CRLF2: variants seen among roughly 807,000 people sequenced by gnomAD.
CRLF2 encodes cytokine receptor like factor 2, also known as cytokine receptor-like factor 2.
A neutral mutation model predicts 38.7 loss-of-function variants in CRLF2; 41 were observed. That is an observed-to-expected ratio of 1.06 (90% CI 0.83 to 1.37). CRLF2 has a LOEUF of 1.37. Among genes scored for constraint, CRLF2 ranks in the 40% most tolerant of loss-of-function variants. CRLF2 has a pLI of 0.00. For missense variants in CRLF2, 377 were observed against 322.2 expected, an observed-to-expected ratio of 1.17 and a Z score of -1.30; for synonymous variants, 140 against 128.8, an observed-to-expected ratio of 1.09 and a Z score of -0.59.
chrX:1,192,076 GC>G (rs1339502730), intron 7 of CRLF2, among the ~76,000 whole-genome samples: 1 of 148,768 alleles, frequency 6.7e-6, no homozygotes, highest in Non-Finnish European at 1.5e-5. Flanking sequence ...GTGGTGGCGG[GC>G]GCCTGTAGTC....
At chrX:1,206,710 T>C (rs1219233385) in intron 2 of CRLF2, 111 bp from the exon 3 acceptor site, 1 of 981,410 alleles carries the variant, frequency 1.0e-6, no homozygotes, top group Admixed American at 2.2e-5. Context: ...TGGCGCGATC[T>C]CAGCTCACTG....
intron 7 of CRLF2, among the ~76,000 whole-genome samples, 196 bp downstream of exon 7, chrX:1,193,022 A>T (rs1321655762): frequency 9.2e-5 from 14 of 151,636 alleles, no homozygotes; most frequent in Admixed American, 2.0e-4. Flanking sequence ...CATGTTGGCC[A>T]GGCTGGTCTC....
At chrX:1,193,186 G>C (rs2086423455) in intron 7 of CRLF2, 32 bp downstream of exon 7, 1 of 398,350 alleles carries the variant, frequency 2.5e-6, no homozygotes, top group Non-Finnish European at 4.4e-6. Flanking sequence ...GCTTGGTGGA[G>C]AGGAGAAGAG....
intron 6 of CRLF2, among the ~76,000 whole-genome samples, chrX:1,195,757 T>G (rs1437285314): frequency 4.4e-4 from 58 of 132,380 alleles, no homozygotes; most frequent in African/African-American, 1.4e-3. Context: ...ATATATATAT[T>G]TTTATATTAT....
intron 1 of CRLF2, among the ~76,000 whole-genome samples, chrX:1,210,606 G>A (rs754981557): frequency 6.6e-6 from 1 of 152,232 alleles, no homozygotes; most frequent in African/African-American, 2.4e-5. Context: ...CACAGCGCCC[G>A]GCCAAGTCTC....
intron 5 of CRLF2, among the ~76,000 whole-genome samples, chrX:1,197,793 C>G (rs1262302645): frequency 6.7e-6 from 1 of 149,214 alleles, no homozygotes; most frequent in Non-Finnish European, 1.5e-5. Flanking sequence ...CAGCCTGGAC[C>G]ACAGACTGAG....
chrX:1,197,781 T>G (rs1354457161), intron 5 of CRLF2, among the ~76,000 whole-genome samples: 1 of 150,498 alleles, frequency 6.6e-6, no homozygotes, highest in Non-Finnish European at 1.5e-5. Context: ...GCCACTGAAC[T>G]CCAGCCTGGA....
intron 7 of CRLF2, 135 bp from the exon 8 acceptor site, chrX:1,191,295 C>G: frequency 6.1e-6 from 2 of 329,052 alleles, no homozygotes; most frequent in Non-Finnish European, 5.1e-6. Flanking sequence ...CTTTTCTTTT[C>G]TCTTTCTTTC....
chrX:1,200,147 A>T (rs1173965162), intron 4 of CRLF2, among the ~76,000 whole-genome samples: 4 of 151,336 alleles, frequency 2.6e-5, no homozygotes, highest in African/African-American at 9.7e-5. Flanking sequence ...GTGTATATAC[A>T]TGTGTGTATA....
chrX:1,196,710 C>A, intron 6 of CRLF2, 70 bp downstream of exon 6: 3 of 1,570,168 alleles, frequency 1.9e-6, no homozygotes, highest in Non-Finnish European at 2.6e-6. Flanking sequence ...GGCGATTAAT[C>A]TTTTTTCGTA....
At chrX:1,195,801 T>A (rs2086463223) in intron 6 of CRLF2, among the ~76,000 whole-genome samples, 3 of 90,348 alleles carry the variant, frequency 3.3e-5, no homozygotes, top group Non-Finnish European at 6.3e-5. Context: ...TATATTTATA[T>A]ATTATATATT....
At position 1,208,924 on chromosome X, in the gene CRLF2, C is replaced by T. The variant is rs760600451; in HGVS notation, c.80-16G>A. ...ACTCCTTCTGCTAGACACAGAGAGA[C>T]GCATGAAGTTCACGGTGAGGCAACT... On this transcript the variant is annotated splice_polypyrimidine_tract_variant and intron_variant, in intron 1 of 7. Transcript: ENST00000400841. 8.6e-6 allele frequency: 12 copies of T among 1,392,136 alleles called. No individual in the cohort carries two copies. The highest frequency in any genetic ancestry group is 1.8e-4 in the Middle Eastern group (1 of 5,628). 86.2% of individuals were successfully genotyped at this position (1,392,136 alleles called of 1,614,324 possible). A position where few individuals can be genotyped will look rare whatever the true frequency, so the allele number is the denominator to read the frequency against.
chrX:1,207,104 C>A (rs1190477077), intron 2 of CRLF2, among the ~76,000 whole-genome samples: 1 of 151,216 alleles, frequency 6.6e-6, no homozygotes, highest in African/African-American at 2.4e-5. Flanking sequence ...CACCACCACC[C>A]CCAGCTAATT....
chrX:1,195,874 A>G (rs1456279654), intron 6 of CRLF2, among the ~76,000 whole-genome samples: 1 of 140,178 alleles, frequency 7.1e-6, no homozygotes, highest in African/African-American at 2.6e-5. Flanking sequence ...TAAATTAAAT[A>G]TATATTTTAT....
chrX:1,193,758 G>A (rs1476281497), intron 6 of CRLF2, among the ~76,000 whole-genome samples: 13 of 145,184 alleles, frequency 9.0e-5, no homozygotes, highest in African/African-American at 2.8e-4. Flanking sequence ...CTCCAGCCTG[G>A]GCGACAGAGC....
intron 2 of CRLF2, among the ~76,000 whole-genome samples, chrX:1,207,410 C>G (rs1181885896): frequency 6.6e-6 from 1 of 151,872 alleles, no homozygotes; most frequent in Admixed American, 6.6e-5. Flanking sequence ...CGCACGCCCC[C>G]GCGCCCGGCT....
rs2086423942 is a variant in CRLF2 at position 1,193,215 on chromosome X, T to A, written c.852+3A>T. On this transcript the variant is annotated splice_donor_region_variant and intron_variant, in intron 7 of 7. Coordinates refer to ENST00000400841, the MANE Select transcript of CRLF2 (RefSeq NM_022148.4). ...AGAAGAGACACAAGGAGAGGGCGGATACCTGGAAGTTCCCTTGGTGTATCT... is the reference window on the plus strand; with the variant it reads ...AGAAGAGACACAAGGAGAGGGCGGAAACCTGGAAGTTCCCTTGGTGTATCT... 2.5e-6 allele frequency: 1 copy of A among 398,372 alleles called. No homozygotes were observed. The highest frequency in any genetic ancestry group is 4.4e-6 in the Non-Finnish European group (1 of 226,134). 24.7% of individuals were successfully genotyped at this position (398,372 alleles called of 1,614,324 possible). A position where few individuals can be genotyped will look rare whatever the true frequency, so the allele number is the denominator to read the frequency against.
chrX:1,208,230 A>G (rs1291245238), intron 2 of CRLF2, among the ~76,000 whole-genome samples: 2 of 152,080 alleles, frequency 1.3e-5, no homozygotes, highest in Non-Finnish European at 2.9e-5. Flanking sequence ...GCTCTGGGTG[A>G]ACAAAACTCT....
At chrX:1,196,085 T>A (rs1157427969) in intron 6 of CRLF2, among the ~76,000 whole-genome samples, 41 of 149,144 alleles carry the variant, frequency 2.7e-4, no homozygotes, top group South Asian at 4.2e-4. Context: ...TTCTTCATGT[T>A]GGCCAGGCTG....
Sources: allele counts gnomAD v4.1 joint callset (sites outside exome capture counted in the v4.1 genomes callset), GRCh38; gene constraint gnomAD v4.1.1; transcripts MANE v1.5; gene names NCBI Gene and HGNC (gene_info 2026-07-23, HGNC 2026-07-21).